Variants in CLEC2A observed in about 807,000 individuals in gnomAD.
CLEC2A encodes the protein keratinocyte-associated C-type lectin.
CLEC2A carries 19 observed loss-of-function variants against 18.6 expected under a neutral mutation model. That is an observed-to-expected ratio of 1.02 (90% confidence interval 0.71 to 1.50). The LOEUF (loss-of-function observed/expected upper bound fraction) is 1.50. CLEC2A is among the 40% of genes most tolerant of loss of function. The pLI is 0.00. For missense variants in CLEC2A, 190 were observed against 207.9 expected (o/e 0.91, Z 0.53); for synonymous variants, 74 against 64.0 (o/e 1.16, Z -0.75).
At chr12:9,925,415 G>C (rs4612905) in intron 2 of CLEC2A, among the ~76,000 whole-genome samples, 1 of 152,186 alleles carries the variant, frequency 6.6e-6, no homozygotes, top group Admixed American at 6.5e-5. Flanking sequence ...TCAAGCATTA[G>C]AGTTATACAG....
chr12:9,918,539 C>A (rs1476788694), intron 3 of CLEC2A, among the ~76,000 whole-genome samples: 1 of 152,124 alleles, frequency 6.6e-6, no homozygotes, highest in Non-Finnish European at 1.5e-5. Context: ...ACATGATGCT[C>A]CTAGCTTTAT....
chr12:9,915,441 T>C (rs1004105831), intron 4 of CLEC2A, among the ~76,000 whole-genome samples: 2 of 151,906 alleles, frequency 1.3e-5, no homozygotes, highest in South Asian at 2.1e-4. Flanking sequence ...AGCAAAAACA[T>C]GGAATCAACC....
At chr12:9,907,217 T>C (rs917129263) in intron 4 of CLEC2A, among the ~76,000 whole-genome samples, 1 of 152,158 alleles carries the variant, frequency 6.6e-6, no homozygotes, top group Non-Finnish European at 1.5e-5. Flanking sequence ...TTATTCATGT[T>C]AACAAAAAGG....
chr12:9,917,866 C>G (rs894262173), intron 3 of CLEC2A, among the ~76,000 whole-genome samples: 1 of 152,064 alleles, frequency 6.6e-6, no homozygotes, highest in Non-Finnish European at 1.5e-5. Flanking sequence ...TGATGTTGAG[C>G]TTTTTTTCAT....
intron 1 of CLEC2A, among the ~76,000 whole-genome samples, chr12:9,931,813 GT>G (rs987941641): frequency 6.8e-4 from 104 of 152,188 alleles, no homozygotes; most frequent in African/African-American, 2.5e-3. Context: ...TGTGTACCTT[GT>G]TTTTATTTAT....
chr12:9,912,808 C>T (rs527251709), downstream of CLEC2A, among the ~76,000 whole-genome samples: 8 of 152,342 alleles, frequency 5.3e-5, no homozygotes, highest in South Asian at 1.7e-3. Context: ...GGCTCCACCT[C>T]AGTGGGCAGA....
At chr12:9,889,531 A>G in the CLEC2A span, among the ~76,000 whole-genome samples, 93 of 152,064 alleles carry the variant, frequency 6.1e-4, no homozygotes, top group African/African-American at 2.2e-3. Context: ...TGAAGATATA[A>G]TATTAATTTT....
chr12:9,926,111 A>G, intron 2 of CLEC2A, 149 bp downstream of exon 2: 2 of 501,116 alleles, frequency 4.0e-6, no homozygotes, highest in Non-Finnish European at 7.1e-6. Context: ...ATTATGGTAA[A>G]AACTGTTGAA....
At chr12:9,901,977 C>T (rs1013981569) in intron 4 of CLEC2A, among the ~76,000 whole-genome samples, 1 of 152,166 alleles carries the variant, frequency 6.6e-6, no homozygotes, top group African/African-American at 2.4e-5. Context: ...TTAATTTTCA[C>T]AATTCTTCCA....
rs527753662 is a variant in CLEC2A, at chr12:9,915,833, C to T, written c.410+867G>A. 4.3e-4 allele frequency among the ~76,000 whole-genome samples: 65 copies of T among 152,278 alleles called. 4 individuals carry two copies. The South Asian group carries it at 0.013, about 31-fold the overall frequency. On this transcript the variant is annotated intron_variant, in intron 4 of 4. Transcript: ENST00000455827. ...CACATACCTATGTAACAAACCTACA[C>T]ATTTTGCATTTGTATCCCAGAACTT...
At chr12:9,908,839 A>G (rs760133175), downstream of CLEC2A, among the ~76,000 whole-genome samples, 7 of 152,154 alleles carry the variant, frequency 4.6e-5, no homozygotes, top group Non-Finnish European at 5.9e-5. Flanking sequence ...TGAAGCCTCT[A>G]AATGGAGGTT....
rs1863022537 is a variant in CLEC2A at position 9,913,659 on chromosome 12, T to TC, written c.431dup (p.Ser145IlefsTer8). ...CATCAGCACTCAAGAAAGCAAAGGA[T>TC]CCGTTCCCTATAATTTCAAACCTGA... On this transcript the variant is annotated frameshift_variant, in exon 5 of 5. Coordinates refer to ENST00000455827, the MANE Select transcript of CLEC2A (RefSeq NM_001130711.2). LOFTEE classifies it low-confidence loss of function (END_TRUNC). 6.5e-7 allele frequency: 1 copy of TC among 1,548,218 alleles called. No individual in the cohort carries two copies. Among genetic ancestry groups the TC allele is most frequent in the Non-Finnish European group, 8.7e-7 (1 of 1,146,414 alleles).
chr12:9,910,183 C>T (rs1862963160), downstream of CLEC2A, among the ~76,000 whole-genome samples: 1 of 152,160 alleles, frequency 6.6e-6, no homozygotes, highest in Non-Finnish European at 1.5e-5. Flanking sequence ...AGCAAAAATA[C>T]TTTATCATTT....
At chr12:9,885,399 T>C in the CLEC2A span, among the ~76,000 whole-genome samples, 1 of 151,884 alleles carries the variant, frequency 6.6e-6, no homozygotes, top group Non-Finnish European at 1.5e-5. Flanking sequence ...ACTTTTTTCT[T>C]CCTGAAGTGG....
intron 1 of CLEC2A, among the ~76,000 whole-genome samples, chr12:9,930,152 T>C (rs907251084): frequency 6.6e-6 from 1 of 152,168 alleles, no homozygotes; most frequent in African/African-American, 2.4e-5. Context: ...GCCATTCTCC[T>C]TGGCTTGAAG....
chr12:9,894,065 T>G (rs1222207789), downstream of CLEC2A, among the ~76,000 whole-genome samples: 1 of 151,914 alleles, frequency 6.6e-6, no homozygotes, highest in African/African-American at 2.4e-5. Flanking sequence ...TCTTTCTCTT[T>G]TTTCTTTCTC....
At chr12:9,885,086 C>A in the CLEC2A span, 1 of 572,958 alleles carries the variant, frequency 1.7e-6, no homozygotes, top group Non-Finnish European at 2.6e-6. Context: ...AATGTTGATC[C>A]TTCATTCCTC....
At chr12:9,879,671 G>C in the CLEC2A span, among the ~76,000 whole-genome samples, 91,726 of 152,042 alleles carry the variant, frequency 0.6, 29,077 homozygotes, top group South Asian at 0.7. Flanking sequence ...GCACACAATA[G>C]ATTCATTACA....
At chr12:9,888,077 T>C in the CLEC2A span, among the ~76,000 whole-genome samples, 2 of 101,302 alleles carry the variant, frequency 2.0e-5, no homozygotes, top group Non-Finnish European at 4.2e-5. Flanking sequence ...AAAAAAAAGT[T>C]AAGAATAGTA....
Sources: allele counts gnomAD v4.1 joint callset (sites outside exome capture counted in the v4.1 genomes callset), GRCh38; gene constraint gnomAD v4.1.1; transcripts MANE v1.5; gene names NCBI Gene and HGNC (gene_info 2026-07-23, HGNC 2026-07-21).